Variants in DMD observed in about 807,000 individuals in gnomAD.
DMD encodes the protein dystrophin.
Under a neutral mutation model 330.1 loss-of-function variants are expected in DMD, and 63 were observed. The ratio of observed to expected loss-of-function variants is 0.19; its 90% CI spans 0.16 to 0.24. DMD has a LOEUF of 0.24. Among genes scored for constraint, DMD ranks in the 10% least tolerant of loss-of-function variants. DMD has a pLI of 1.00. For missense variants in DMD, 3,344 were observed against 2,684.1 expected (o/e 1.25, Z -5.43); for synonymous variants, 1,223 against 959.8 (o/e 1.27, Z -5.07).
intron 60 of DMD, among the ~76,000 whole-genome samples, chrX:31,350,451 T>C (rs902229334): frequency 5.3e-5 from 6 of 112,363 alleles, no homozygotes; most frequent in Non-Finnish European, 9.4e-5. Context: ...AACTTCTTGA[T>C]AGCAGGGACC....
chrX:31,303,436 C>A (rs1603336760), intron 62 of DMD, among the ~76,000 whole-genome samples: 1 of 111,856 alleles, frequency 8.9e-6, no homozygotes, highest in East Asian at 2.8e-4. Flanking sequence ...CCCTAACTCA[C>A]TGTAAAGAAT....
At chrX:32,654,888 T>A (rs981978307) in intron 9 of DMD, among the ~76,000 whole-genome samples, 1 of 111,957 alleles carries the variant, frequency 8.9e-6, no homozygotes, top group Non-Finnish European at 1.9e-5. Context: ...AGGGTGTATG[T>A]GTCCACGAAT....
rs777676619 is a variant in DMD, at chrX:32,524,608, AG to A, written c.2169-6478del. ...AAGTATATTGGTTATCTCCACACAAAGAAGGCTTTGTGGAGTCAACACCATG... is the reference window on the plus strand; with the variant it reads ...AAGTATATTGGTTATCTCCACACAAAAAGGCTTTGTGGAGTCAACACCATG... On this transcript the variant is annotated intron_variant, in intron 17 of 78. Coordinates refer to ENST00000357033, the MANE Select transcript of DMD (RefSeq NM_004006.3). 1.6e-3 allele frequency among the ~76,000 whole-genome samples: 181 copies of A among 112,427 alleles called. 2 individuals are homozygous for A. Among genetic ancestry groups the A allele is most frequent in the Non-Finnish European group, 1.2e-3 (65 of 53,288 alleles).
chrX:31,650,654 TCTC>T (rs1339164323), intron 54 of DMD, among the ~76,000 whole-genome samples: 1 of 112,219 alleles, frequency 8.9e-6, no homozygotes, highest in Non-Finnish European at 1.9e-5. Flanking sequence ...TGCTTGTCCC[TCTC>T]CTAAATAAAC....
At chrX:32,228,138 G>A (rs1259181905) in intron 43 of DMD, among the ~76,000 whole-genome samples, 1 of 111,459 alleles carries the variant, frequency 9.0e-6, no homozygotes, top group African/African-American at 3.3e-5. Context: ...TACTCAAATA[G>A]TTAGAGATTC....
chrX:33,120,255 GAGGCAATCAA>G (rs2095414731), intron 1 of DMD, among the ~76,000 whole-genome samples: 1 of 111,857 alleles, frequency 8.9e-6, no homozygotes, highest in South Asian at 3.7e-4. Flanking sequence ...GAAAGGTAAG[GAGGCAATCAA>G]AGGTGTGTCA....
intron 47 of DMD, among the ~76,000 whole-genome samples, chrX:31,914,929 TG>T (rs769603466): frequency 7.1e-5 from 8 of 112,191 alleles, no homozygotes; most frequent in Admixed American, 1.9e-4. Flanking sequence ...CTGGAGGGGG[TG>T]GATCCCCCGT....
intron 51 of DMD, among the ~76,000 whole-genome samples, chrX:31,756,117 A>G (rs2089055944): frequency 9.0e-6 from 1 of 110,847 alleles, no homozygotes; most frequent in Non-Finnish European, 1.9e-5. Context: ...TGGGGTTCAG[A>G]TACGAGACTG....
intron 7 of DMD, among the ~76,000 whole-genome samples, chrX:32,723,703 A>G (rs779170340): frequency 5.0e-4 from 56 of 111,234 alleles, no homozygotes; most frequent in African/African-American, 1.8e-3. Context: ...GATAATGGAT[A>G]GGATAATTTG....
At chrX:32,948,182 C>G (rs987358428) in intron 2 of DMD, among the ~76,000 whole-genome samples, 63 of 109,285 alleles carry the variant, frequency 5.8e-4, no homozygotes, top group Admixed American at 3.1e-3. Flanking sequence ...GTATTAATAG[C>G]TAAAACCCCT....
rs745641298 is a variant in DMD, at chrX:32,109,879, AT to A, written c.6438+107036del. Among the ~76,000 whole-genome samples the A allele has an allele frequency of 6.8e-4, 76 of 111,253 alleles. 3 individuals carry two copies. The highest frequency in any genetic ancestry group is 5.5e-3 in the Admixed American group (57 of 10,417). ...TAATCTCTTAAACATTTCTTAAAAT[AT>A]TTTTTTTATCCTAAATGCGAGCCGA... is the stretch of plus-strand genomic sequence containing the variant. On this transcript the variant is annotated intron_variant, in intron 44 of 78. Transcript: ENST00000357033.
intron 26 of DMD, among the ~76,000 whole-genome samples, chrX:32,452,484 A>AG (rs202075702): frequency 3.7e-5 from 2 of 53,456 alleles, no homozygotes; most frequent in Non-Finnish European, 6.8e-5. Context: ...AGGAAAGGAA[A>AG]GGAAAGGAAA....
chrX:31,355,944 T>TA (rs1045734946), intron 60 of DMD, among the ~76,000 whole-genome samples: 4 of 111,029 alleles, frequency 3.6e-5, no homozygotes, highest in Non-Finnish European at 7.6e-5. Context: ...GTGCTGGGAT[T>TA]ACAGGCATGA....
At chrX:32,859,781 T>C (rs2081936995) in intron 2 of DMD, among the ~76,000 whole-genome samples, 1 of 111,492 alleles carries the variant, frequency 9.0e-6, no homozygotes, top group Non-Finnish European at 1.9e-5. Context: ...ACCATGTCTT[T>C]GTTGCAGGTG....
intron 43 of DMD, among the ~76,000 whole-genome samples, chrX:32,276,343 G>C (rs112801037): frequency 1.8e-5 from 2 of 112,478 alleles, no homozygotes; most frequent in African/African-American, 6.4e-5. Flanking sequence ...GTCATAGCCT[G>C]GGCTAAGAGC....
At chrX:31,939,138 CCAAAA>C (rs1160822615) in intron 45 of DMD, among the ~76,000 whole-genome samples, 1 of 111,772 alleles carries the variant, frequency 8.9e-6, no homozygotes, top group African/African-American at 3.2e-5. Context: ...CGAGGGAAAA[CCAAAA>C]CAAAACATTG....
At chrX:31,930,721 T>C (rs2094842649) in intron 46 of DMD, among the ~76,000 whole-genome samples, 1 of 112,250 alleles carries the variant, frequency 8.9e-6, no homozygotes, top group Admixed American at 9.5e-5. Flanking sequence ...AGCACTGATC[T>C]AGATTCTTTC....
chrX:32,035,075 T>C (rs1056339761), intron 44 of DMD, among the ~76,000 whole-genome samples: 1 of 111,792 alleles, frequency 8.9e-6, no homozygotes, highest in Admixed American at 9.6e-5. Flanking sequence ...ATATTGTCCA[T>C]GTTCATATCC....
At chrX:31,419,020 C>T (rs1030922557) in intron 60 of DMD, among the ~76,000 whole-genome samples, 5 of 109,826 alleles carry the variant, frequency 4.6e-5, no homozygotes, top group Non-Finnish European at 7.6e-5. Context: ...TCTCAGCTCA[C>T]GGCAACTTCC....
Sources: gnomAD v4.1 joint callset for allele counts (sites outside exome capture counted in the v4.1 genomes callset) on GRCh38, gnomAD v4.1.1 for gene constraint, MANE v1.5 for transcripts, NCBI Gene and HGNC (gene_info 2026-07-23, HGNC 2026-07-21) for gene names.